The following NBEA variants were observed in gnomAD, a reference collection of about 807,000 sequenced individuals.
NBEA encodes neurobeachin.
A neutral mutation model predicts 343.4 loss-of-function variants in NBEA; 44 were observed. That is an observed-to-expected ratio of 0.13 (90% CI 0.10 to 0.16). NBEA has a LOEUF of 0.16. Among genes scored for constraint, NBEA ranks in the 10% least tolerant of loss-of-function variants. NBEA has a pLI of 1.00. For synonymous variants in NBEA, 1,175 were observed against 1,238.7 expected (o/e 0.95, Z 1.08); for missense variants, 2,555 against 3,631.3 (o/e 0.70, Z 7.62).
intron 49 of NBEA, among the ~76,000 whole-genome samples, chr13:35,643,784 A>G (rs2084083627): frequency 6.6e-6 from 1 of 152,170 alleles, no homozygotes. Context: ...CTACACAGGG[A>G]GTAGCTCTCA....
chr13:35,471,647 TG>T (rs1318080992), intron 40 of NBEA, among the ~76,000 whole-genome samples: 1 of 152,218 alleles, frequency 6.6e-6, no homozygotes, highest in Non-Finnish European at 1.5e-5. Context: ...GCAAGCACCC[TG>T]GCAGGCACTT....
At chr13:35,610,389 C>T (rs1052411769) in intron 48 of NBEA, among the ~76,000 whole-genome samples, 1 of 151,782 alleles carries the variant, frequency 6.6e-6, no homozygotes, top group Non-Finnish European at 1.5e-5. Flanking sequence ...CTGCACTCCA[C>T]CAGAGCAAGA....
At chr13:35,156,573 G>A (rs1031183882) in intron 20 of NBEA, among the ~76,000 whole-genome samples, 3 of 152,038 alleles carry the variant, frequency 2.0e-5, no homozygotes, top group South Asian at 2.1e-4. Flanking sequence ...TCTTATGGCC[G>A]AATGTTGTGC....
chr13:35,045,074 T>C, intron 3 of NBEA, 27 bp downstream of exon 3: 4 of 1,560,900 alleles, frequency 2.6e-6, no homozygotes, highest in Non-Finnish European at 3.5e-6. Flanking sequence ...GGGAAAGGTA[T>C]TCAGTATCAG....
At chr13:35,172,703 T>G (rs2070563076) in intron 26 of NBEA, among the ~76,000 whole-genome samples, 1 of 152,070 alleles carries the variant, frequency 6.6e-6, no homozygotes, top group Admixed American at 6.6e-5. Context: ...ATTCAGTTAA[T>G]CCTCACAACA....
At chr13:35,536,524 T>G (rs553668862) in intron 41 of NBEA, among the ~76,000 whole-genome samples, 17 of 152,298 alleles carry the variant, frequency 1.1e-4, no homozygotes, top group Admixed American at 1.1e-3. Flanking sequence ...ATTGGTCCTG[T>G]TTTTTTCCTT....
At chr13:35,549,847 A>G (rs2079229840) in intron 41 of NBEA, among the ~76,000 whole-genome samples, 1 of 152,236 alleles carries the variant, frequency 6.6e-6, no homozygotes, top group Admixed American at 6.5e-5. Flanking sequence ...TGGGTCAGCC[A>G]AACTCTGCCC....
chr13:35,445,965 C>T (rs1238035966), intron 39 of NBEA, among the ~76,000 whole-genome samples: 1 of 151,332 alleles, frequency 6.6e-6, no homozygotes, highest in African/African-American at 2.4e-5. Flanking sequence ...ATCCCTCCCC[C>T]CTCTCCCCAC....
intron 44 of NBEA, among the ~76,000 whole-genome samples, chr13:35,557,800 C>T (rs2079647817): frequency 6.6e-6 from 1 of 151,984 alleles, no homozygotes; most frequent in Non-Finnish European, 1.5e-5. Context: ...GCTGCATGAG[C>T]TTAGCAGAGG....
chr13:34,984,972 T>A (rs1272870301), intron 1 of NBEA, among the ~76,000 whole-genome samples: 1 of 151,126 alleles, frequency 6.6e-6, no homozygotes. Flanking sequence ...TATACAATCA[T>A]GTCATCTGCA....
At position 35,309,599 on chromosome 13, in the gene NBEA, A is replaced by C; in HGVS notation, c.5903+7A>C. ...AGCTCATCAATGAAGGAAGGTAATT[A>C]ATTTTACAATTTTAGACAACTAGTC... is the stretch of plus-strand genomic sequence containing the variant. On this transcript the variant is annotated splice_region_variant and intron_variant, in intron 36 of 58. Coordinates refer to ENST00000379939, the MANE Select transcript of NBEA (RefSeq NM_001385012.1). The C allele has an allele frequency of 6.5e-7, 1 of 1,531,560 alleles. No individual in the cohort carries two copies. The highest frequency in any genetic ancestry group is 8.9e-7 in the Non-Finnish European group (1 of 1,125,972). The allele number at this position is 1,531,560 out of a possible 1,614,324, so 94.9% of individuals were successfully genotyped here.
intron 28 of NBEA, among the ~76,000 whole-genome samples, chr13:35,181,052 G>A (rs932279769): frequency 4.0e-5 from 6 of 151,724 alleles, no homozygotes; most frequent in African/African-American, 7.2e-5. Flanking sequence ...ATATACCACA[G>A]TTTCTTTATC....
rs919167923 is a variant in NBEA at position 35,451,987 on chromosome 13, G to T, written c.6305-105G>T. ...ATGTTCTGTAATTGTAAAGTAATAT[G>T]TAAATGCAGCATATAATTTAATAAA... On this transcript the variant is annotated intron_variant, in intron 39 of 58. Coordinates refer to ENST00000379939, the MANE Select transcript of NBEA (RefSeq NM_001385012.1). 43 of 825,022 alleles carry T rather than the reference G, an allele frequency of 5.2e-5. No individual in the cohort carries two copies. In the East Asian group the frequency reaches 1.2e-3, roughly 22 times the overall value. The allele number at this position is 825,022 out of a possible 1,614,324, so 51.1% of individuals were successfully genotyped here.
chr13:35,070,163 T>C, intron 9 of NBEA, 58 bp downstream of exon 9: 1 of 1,365,760 alleles, frequency 7.3e-7, no homozygotes. Flanking sequence ...GTATCTTTAT[T>C]TTATATATCA....
At chr13:35,266,618 G>GAGTC (rs2033705851) in intron 34 of NBEA, among the ~76,000 whole-genome samples, 1 of 151,764 alleles carries the variant, frequency 6.6e-6, no homozygotes, top group Non-Finnish European at 1.5e-5. Context: ...TCACTCACGT[G>GAGTC]TGGAATATAA....
chr13:35,548,906 A>G lies in NBEA; in HGVS notation c.6586-1571A>G, dbSNP rs565399075. Among the ~76,000 whole-genome samples, 5 of 152,324 alleles carry G rather than the reference A, an allele frequency of 3.3e-5. No homozygotes were observed. In the South Asian group the frequency reaches 1.0e-3, roughly 32 times the overall value. On this transcript the variant is annotated intron_variant, in intron 41 of 58. Coordinates refer to ENST00000379939, the MANE Select transcript of NBEA (RefSeq NM_001385012.1). ...ACCAATTGTCACCTGATGCTCAACA[A>G]CAAGGAGACATAAATTCATCAATGG...
At chr13:35,213,531 A>G (rs2073901024) in intron 33 of NBEA, among the ~76,000 whole-genome samples, 1 of 151,934 alleles carries the variant, frequency 6.6e-6, no homozygotes, top group African/African-American at 2.4e-5. Flanking sequence ...GATCTATTGC[A>G]AGTGGGGCTA....
chr13:35,668,422 G>T lies in NBEA; in HGVS notation c.8716G>T (p.Val2906Leu). ...CCTGGTCACCGGAGGGGACAATGGG[G>T]TAGTAGAGGTCTGGCAGGCCTGTGA... ...QNLVTGGDNGVVEVWQACDFK... is the reference protein window; with the variant it reads ...QNLVTGGDNGLVEVWQACDFK... The change falls in exon 58 of 59, where the codon GTA (valine) becomes TTA (leucine). Residue 2906 changes from valine to leucine, a missense_variant. This residue lies in a region of NBEA where 186 missense variants were observed against 328.9 expected (regional missense o/e 0.57). Transcript: ENST00000379939. 1.2e-6 allele frequency: 2 copies of T among 1,613,204 alleles called. No individual in the cohort carries two copies. The highest frequency in any genetic ancestry group is 1.3e-5 in the African/African-American group (1 of 75,000).
chr13:35,562,703 C>T (rs2079917362), intron 44 of NBEA, among the ~76,000 whole-genome samples: 1 of 152,020 alleles, frequency 6.6e-6, no homozygotes, highest in South Asian at 2.1e-4. Flanking sequence ...CTAGAAAAAT[C>T]ATTAAAAATT....
Sources: allele counts gnomAD v4.1 joint callset (sites outside exome capture counted in the v4.1 genomes callset), GRCh38; gene constraint gnomAD v4.1.1; regional missense constraint gnomAD v4.1.1; transcripts MANE v1.5; gene names NCBI Gene and HGNC (gene_info 2026-07-23, HGNC 2026-07-21).